The following SCHIP1 variants were observed in gnomAD, a reference collection of about 807,000 sequenced individuals.
SCHIP1 encodes the protein schwannomin-interacting protein 1.
A neutral mutation model predicts 29.7 loss-of-function variants in SCHIP1; 8 were observed. The ratio of observed to expected loss-of-function variants is 0.27; its 90% confidence interval spans 0.16 to 0.49. SCHIP1 has a LOEUF of 0.49. SCHIP1 is among the 20% of genes least tolerant of loss of function. The pLI is 0.99. For synonymous variants in SCHIP1, 76 were observed against 94.9 expected, an observed-to-expected ratio of 0.80 and a Z score of 1.16; for missense variants, 193 against 294.6, an observed-to-expected ratio of 0.66 and a Z score of 2.52.
chr3:159,574,095 T>G, the SCHIP1 span, among the ~76,000 whole-genome samples: 1 of 152,216 alleles, frequency 6.6e-6, no homozygotes, highest in South Asian at 2.1e-4. Context: ...CTAACAACCT[T>G]CTGAAGCCTA....
chr3:159,458,562 T>G, the SCHIP1 span, among the ~76,000 whole-genome samples: 3 of 133,482 alleles, frequency 2.2e-5, no homozygotes, highest in East Asian at 6.9e-4. Flanking sequence ...GAACTGACTT[T>G]TCTTTTTTTT....
the SCHIP1 span, among the ~76,000 whole-genome samples, chr3:159,670,118 G>A: frequency 4.0e-3 from 603 of 152,322 alleles, 7 homozygotes; most frequent in African/African-American, 0.014. Flanking sequence ...ATCCTGAAAA[G>A]GGACTTTATG....
the SCHIP1 span, among the ~76,000 whole-genome samples, chr3:159,546,114 A>G: frequency 6.6e-6 from 1 of 152,060 alleles, no homozygotes; most frequent in East Asian, 1.9e-4. Context: ...TCACTTTTTA[A>G]TTCTAATGGT....
the SCHIP1 span, among the ~76,000 whole-genome samples, chr3:159,576,581 CTCTT>C: frequency 1.3e-5 from 2 of 152,142 alleles, no homozygotes; most frequent in African/African-American, 2.4e-5. Flanking sequence ...CTCCCACATT[CTCTT>C]TATTTTCTCC....
the SCHIP1 span, among the ~76,000 whole-genome samples, chr3:159,649,158 A>G: frequency 5.3e-5 from 8 of 152,120 alleles, no homozygotes; most frequent in African/African-American, 1.7e-4. Context: ...TAATTTGCCC[A>G]ATGTCATTTG....
chr3:159,680,417 G>T, the SCHIP1 span, among the ~76,000 whole-genome samples: 1 of 146,980 alleles, frequency 6.8e-6, no homozygotes, highest in Non-Finnish European at 1.5e-5. Context: ...GCTGAGGCAG[G>T]AGAACTGCTT....
chr3:159,755,138 G>A, the SCHIP1 span, among the ~76,000 whole-genome samples: 1 of 152,180 alleles, frequency 6.6e-6, no homozygotes, highest in Non-Finnish European at 1.5e-5. Context: ...GGGAGGCTGA[G>A]GCAGGAGAAT....
chr3:159,696,384 C>T, the SCHIP1 span, among the ~76,000 whole-genome samples: 3 of 152,154 alleles, frequency 2.0e-5, no homozygotes, highest in African/African-American at 4.8e-5. Context: ...ACTCTTACTG[C>T]TCTTATTAGT....
At chr3:159,836,352 T>C (rs978205547), upstream of SCHIP1, among the ~76,000 whole-genome samples, 3 of 152,224 alleles carry the variant, frequency 2.0e-5, no homozygotes, top group South Asian at 2.1e-4. Context: ...TGGGCCTCTT[T>C]TAAAAAGGGC....
chr3:159,445,073 A>G, the SCHIP1 span, among the ~76,000 whole-genome samples: 13 of 152,188 alleles, frequency 8.5e-5, no homozygotes, highest in Non-Finnish European at 1.9e-4. Flanking sequence ...AGGAACTACC[A>G]TCAGAGTGAA....
the SCHIP1 span, among the ~76,000 whole-genome samples, chr3:159,507,103 G>A: frequency 1.3e-5 from 2 of 152,162 alleles, no homozygotes; most frequent in Non-Finnish European, 2.9e-5. Flanking sequence ...CCATGAGCAT[G>A]GAATGTTCTT....
intron 2 of SCHIP1, among the ~76,000 whole-genome samples, chr3:159,876,053 A>C (rs949605005): frequency 6.6e-6 from 1 of 152,244 alleles, no homozygotes; most frequent in Non-Finnish European, 1.5e-5. Context: ...AGTGTTTTCT[A>C]AGTAGACAGA....
At chr3:159,483,003 C>T in the SCHIP1 span, among the ~76,000 whole-genome samples, 58 of 152,248 alleles carry the variant, frequency 3.8e-4, no homozygotes, top group African/African-American at 1.4e-3. Flanking sequence ...TGTAACTTTC[C>T]ATAAAATTTA....
chr3:159,732,785 A>T, the SCHIP1 span, among the ~76,000 whole-genome samples: 37 of 152,326 alleles, frequency 2.4e-4, no homozygotes, highest in African/African-American at 8.9e-4. Context: ...TTAAAACCAA[A>T]CATAGCTGGT....
At chr3:159,810,281 G>A in the SCHIP1 span, among the ~76,000 whole-genome samples, 1 of 152,220 alleles carries the variant, frequency 6.6e-6, no homozygotes, top group South Asian at 2.1e-4. Context: ...TCCTGACCTC[G>A]TGATCTGCCC....
the SCHIP1 span, among the ~76,000 whole-genome samples, chr3:159,548,215 T>A: frequency 2.6e-5 from 4 of 152,064 alleles, no homozygotes; most frequent in Admixed American, 2.6e-4. Context: ...GAGAAGCCAT[T>A]TTAGCCTGAA....
At chr3:159,408,250 A>T in the SCHIP1 span, among the ~76,000 whole-genome samples, 1 of 151,694 alleles carries the variant, frequency 6.6e-6, no homozygotes, top group Non-Finnish European at 1.5e-5. Flanking sequence ...GTGAGCCGAG[A>T]TCACACCACT....
At chr3:159,415,495 T>G in the SCHIP1 span, among the ~76,000 whole-genome samples, 1 of 152,156 alleles carries the variant, frequency 6.6e-6, no homozygotes, top group African/African-American at 2.4e-5. Flanking sequence ...TTCCCTTCTT[T>G]GTGTTTATGA....
At chr3:159,508,012 C>T in the SCHIP1 span, among the ~76,000 whole-genome samples, 25,738 of 152,140 alleles carry the variant, frequency 0.17, 2,390 homozygotes, top group South Asian at 0.35. Context: ...CCCTCTTTTT[C>T]TATTGATTGG....
Sources: allele counts gnomAD v4.1 joint callset (sites outside exome capture counted in the v4.1 genomes callset), GRCh38; gene constraint gnomAD v4.1.1; transcripts MANE v1.5; gene names NCBI Gene and HGNC (gene_info 2026-07-23, HGNC 2026-07-21).